H2BC12: variants seen among roughly 807,000 people sequenced by gnomAD.
H2BC12 encodes the protein histone H2B type 1-K.
In H2BC12, 6 loss-of-function variants were observed where a neutral mutation model predicts 6.3. That is an observed-to-expected ratio of 0.95 (90% CI 0.52 to 1.87). The LOEUF (loss-of-function observed/expected upper bound fraction) is 1.87, where lower values mean the gene tolerates loss of function less well. H2BC12 is among the 40% of genes most tolerant of loss of function. The pLI is 0.01. For missense variants in H2BC12, 119 were observed against 178.4 expected, an observed-to-expected ratio of 0.67 and a Z score of 1.90; for synonymous variants, 132 against 78.5, an observed-to-expected ratio of 1.68 and a Z score of -3.60.
At chr6:27,139,770 A>C in the H2BC12 span, 6 of 1,310,798 alleles carry the variant, frequency 4.6e-6, no homozygotes, top group Non-Finnish European at 6.1e-6. Context: ...GATTAACTCG[A>C]CGCCGAAAAT....
downstream of H2BC12, among the ~76,000 whole-genome samples, chr6:27,145,873 G>A (rs111276112): frequency 5.0e-3 from 769 of 152,296 alleles, 6 homozygotes; most frequent in African/African-American, 0.014. Context: ...GGGCTGCAGA[G>A]ATGGAATCAG....
Position 27,146,543 on chromosome 6 carries a change from T to C in H2BC12, c.256A>G (p.Lys86Glu). 1 of 1,614,208 alleles carries C rather than the reference T, an allele frequency of 6.2e-7. No individual in the cohort carries two copies. The change falls in exon 1 of 1, where the codon AAG (lysine) becomes GAG (glutamate). Residue 86 changes from lysine to glutamate, a missense_variant. This residue lies in a region of H2BC12 where 69 missense variants were observed against 141.0 expected (regional missense o/e 0.49). Coordinates refer to ENST00000356950, the MANE Select transcript of H2BC12 (RefSeq NM_001312653.2). ...GEASRLAHYN[K>E]RSTITSREIQ... Reference sequence around the variant, plus strand: ...TCCCTGGAGGTGATGGTCGAGCGCTTGTTGTAATGCGCCAGGCGGGAAGCC... The same window carrying C: ...TCCCTGGAGGTGATGGTCGAGCGCTCGTTGTAATGCGCCAGGCGGGAAGCC...
chr6:27,141,557 CAG>C (rs1316264328), downstream of H2BC12, among the ~76,000 whole-genome samples: 4 of 152,212 alleles, frequency 2.6e-5, no homozygotes, highest in East Asian at 1.9e-4. Context: ...TAAGCCATCA[CAG>C]AGAGTAGTAG....
At chr6:27,143,517 TGAA>T (rs1760032792), downstream of H2BC12, among the ~76,000 whole-genome samples, 4 of 151,944 alleles carry the variant, frequency 2.6e-5, 1 homozygote, top group Middle Eastern at 0.014. Context: ...ATTAAGCACT[TGAA>T]GAATTACTAA....
Position 27,146,561 on chromosome 6 carries a change from G to C in H2BC12, c.238C>G (p.Arg80Gly). ...IFERIAGEAS[R>G]LAHYNKRSTI... is the part of the protein sequence containing the mutation. The stretch of plus-strand genomic sequence containing the variant: ...GAGCGCTTGTTGTAATGCGCCAGGC[G>C]GGAAGCCTCACCCGCGATGCGTTCG... The change falls in exon 1 of 1, where the codon CGC becomes GGC. Residue 80 changes from arginine (R) to glycine (G), a missense_variant. Physicochemically the swap from Arg to Gly is moderately radical, Grantham distance 125 (BLOSUM62 -2). Transcript: ENST00000356950. 1 of 1,614,218 alleles carries C rather than the reference G, an allele frequency of 6.2e-7. No homozygotes were observed. Among genetic ancestry groups the C allele is most frequent in the Non-Finnish European group, 8.5e-7 (1 of 1,180,046 alleles).
chr6:27,142,826 G>A (rs959781673), downstream of H2BC12, among the ~76,000 whole-genome samples: 2 of 150,108 alleles, frequency 1.3e-5, no homozygotes, highest in South Asian at 2.1e-4. Flanking sequence ...TAGCAGAGAC[G>A]GGGTTTCACC....
chr6:27,146,281 C>A, downstream of H2BC12: 1 of 1,415,590 alleles, frequency 7.1e-7, no homozygotes, highest in East Asian at 2.3e-5. Flanking sequence ...GTGATAAGAT[C>A]ATGATAATCC....
chr6:27,146,848 GAAGT>G lies in H2BC12; in HGVS notation c.-54_-51del, dbSNP rs1760101917. ...GACGAGCAGCAGATCGAGAAAACGG[GAAGT>G]AATGGGAGCAAGGTACCAGGAGTCG... On this transcript the variant is annotated 5_prime_UTR_variant, in exon 1 of 1. Transcript: ENST00000356950. The G allele has an allele frequency of 1.3e-6, 2 of 1,597,030 alleles. No homozygotes were observed. Among genetic ancestry groups the G allele is most frequent in the African/African-American group, 2.7e-5 (2 of 74,168 alleles).
downstream of H2BC12, among the ~76,000 whole-genome samples, chr6:27,145,796 C>T (rs190516554): frequency 2.6e-5 from 4 of 152,332 alleles, no homozygotes; most frequent in Non-Finnish European, 1.5e-5. Context: ...CTGAGAAAAG[C>T]TGTGCTCCTC....
chr6:27,139,726 C>G, the H2BC12 span: 2 of 1,439,370 alleles, frequency 1.4e-6, no homozygotes, highest in Non-Finnish European at 9.3e-7. Context: ...TTAATAGGGC[C>G]ATTGTCAGTG....
At chr6:27,139,143 G>C in the H2BC12 span, 1 of 656,094 alleles carries the variant, frequency 1.5e-6, no homozygotes, top group Non-Finnish European at 2.5e-6. Context: ...AGGAGAACAA[G>C]AGGGAGTAGA....
downstream of H2BC12, chr6:27,146,290 C>A (rs897195573): frequency 6.9e-7 from 1 of 1,458,176 alleles, no homozygotes; most frequent in East Asian, 2.3e-5. Flanking sequence ...TCATGATAAT[C>A]CCTTTAAAAA....
chr6:27,141,408 A>G (rs1269378011), downstream of H2BC12, among the ~76,000 whole-genome samples: 2 of 152,164 alleles, frequency 1.3e-5, no homozygotes, highest in East Asian at 3.8e-4. Flanking sequence ...CAAATAACCA[A>G]TTCACAAATG....
chr6:27,141,453 T>C (rs558484797), downstream of H2BC12, among the ~76,000 whole-genome samples: 1 of 152,294 alleles, frequency 6.6e-6, no homozygotes, highest in East Asian at 1.9e-4. Context: ...CTTTCTTTAA[T>C]TTTTATTATT....
At chr6:27,139,318 C>G in the H2BC12 span, 1 of 1,607,580 alleles carries the variant, frequency 6.2e-7, no homozygotes, top group Non-Finnish European at 8.5e-7. Flanking sequence ...AATGTCAGGA[C>G]GCGGCAAAGG....
chr6:27,139,791 C>A, the H2BC12 span: 1 of 1,127,858 alleles, frequency 8.9e-7, no homozygotes, highest in Non-Finnish European at 1.2e-6. Context: ...GGGCTGATGA[C>A]TACAGGTGAC....
chr6:27,144,471 G>T (rs187288443), downstream of H2BC12, among the ~76,000 whole-genome samples: 8 of 121,884 alleles, frequency 6.6e-5, 2 homozygotes, highest in African/African-American at 1.6e-4. Context: ...GGGGGGGGGG[G>T]GGGGGGCGGA....
chr6:27,138,432 T>C, the H2BC12 span, among the ~76,000 whole-genome samples: 1 of 152,218 alleles, frequency 6.6e-6, no homozygotes, highest in African/African-American at 2.4e-5. Flanking sequence ...GACAATTCTT[T>C]GAGGAACAGT....
chr6:27,144,477 G>T (rs1187724411), downstream of H2BC12, among the ~76,000 whole-genome samples: 1 of 46,616 alleles, frequency 2.1e-5, no homozygotes, highest in Non-Finnish European at 4.4e-5. Context: ...GGGGGGGGGG[G>T]CGGAATCTGT....
Sources: gnomAD v4.1 joint callset for allele counts (sites outside exome capture counted in the v4.1 genomes callset) on GRCh38, gnomAD v4.1.1 for gene constraint, gnomAD v4.1.1 regional missense constraint, MANE v1.5 for transcripts, NCBI Gene and HGNC (gene_info 2026-07-23, HGNC 2026-07-21) for gene names.